Variants in EXD1 observed in about 807,000 individuals in gnomAD.
EXD1 encodes exonuclease 3'-5' domain containing 1.
Under a neutral mutation model 49.1 loss-of-function variants are expected in EXD1, and 63 were observed. The observed-to-expected ratio is 1.28, with a 90% CI of 1.05 to 1.58. EXD1 has a LOEUF of 1.58. EXD1 is among the 40% of genes most tolerant of loss of function. The probability of loss-of-function intolerance (pLI) is 0.00; values close to 1 mark genes in which losing one functional copy is unlikely to be tolerated. For missense variants in EXD1, 748 were observed against 666.0 expected (o/e 1.12, Z -1.36); for synonymous variants, 234 against 239.2 (o/e 0.98, Z 0.20).
chr15:41,199,491 G>A (rs11852986), intron 7 of EXD1, among the ~76,000 whole-genome samples: 1 of 149,182 alleles, frequency 6.7e-6, no homozygotes, highest in South Asian at 2.1e-4. Flanking sequence ...CCTGGAGGGG[G>A]TGGGTGGTGC....
Position 41,191,584 on chromosome 15 carries a change from A to G in EXD1, c.722T>C (p.Val241Ala). Residue 241 changes from valine (V) to alanine (A), a missense_variant and splice_region_variant, in exon 10 of 12, where the codon GTA becomes GCA. By Grantham distance (64) the Val-to-Ala change is moderately conservative (BLOSUM62 0). Transcript: ENST00000458580. ...ILLNNVFDTQVADVLQFSMET... is the reference protein window; with the variant it reads ...ILLNNVFDTQAADVLQFSMET... ...CATGGAAAACTGAAGTACATCTGCTACCTGTGGTATTTTAAAAAGACAAAC... is the reference window on the plus strand; with the variant it reads ...CATGGAAAACTGAAGTACATCTGCTGCCTGTGGTATTTTAAAAAGACAAAC... 1 of 1,613,704 alleles carries G rather than the reference A, an allele frequency of 6.2e-7. No homozygotes were observed. The highest frequency in any genetic ancestry group is 8.5e-7 in the Non-Finnish European group (1 of 1,179,828).
chr15:41,193,405 G>A (rs375466681), intron 9 of EXD1, among the ~76,000 whole-genome samples: 1 of 152,018 alleles, frequency 6.6e-6, no homozygotes, highest in African/African-American at 2.4e-5. Flanking sequence ...TCAGGAGTTC[G>A]ATGCCAGCAT....
In EXD1 at chr15:41,192,737, C is replaced by T. The variant is rs147673366; in HGVS notation, c.721-1152G>A. On this transcript the variant is annotated intron_variant, in intron 9 of 11. Transcript: ENST00000458580. ...TCAAGGGATCTTCCCACCTCAGCCT[C>T]GAGTAGCTAGGACTACAGGCACATC... Among the ~76,000 whole-genome samples, 502 of 148,210 alleles carry T rather than the reference C, an allele frequency of 3.4e-3. 2 individuals carry two copies. The highest frequency in any genetic ancestry group is 0.012 in the African/African-American group (473 of 40,324).
Position 41,230,722 on chromosome 15 carries a change from G to C in EXD1, c.-297C>G, listed in dbSNP as rs2047229960. 4.7e-6 allele frequency: 3 copies of C among 645,090 alleles called. No individual in the cohort carries two copies. The highest frequency in any genetic ancestry group is 5.8e-5 in the East Asian group (2 of 34,774). The allele number at this position is 645,090 out of a possible 1,614,324, so 40.0% of individuals were successfully genotyped here. A position where few individuals can be genotyped will look rare whatever the true frequency, so the allele number is the denominator to read the frequency against. On this transcript the variant is annotated 5_prime_UTR_variant, in exon 1 of 12. Coordinates refer to ENST00000458580, the MANE Select transcript of EXD1 (RefSeq NM_001286441.2). ...CGACGCCGGGGACACACGCCGCAGA[G>C]GCGACGCCCGCCCGGCCCAACGTCC...
rs1410241029 is a variant in EXD1, at chr15:41,195,962, T to C, written c.610A>G (p.Met204Val). Reference protein sequence around the residue: ...GSRAFHNGLQMILEDKRILKV... With the variant: ...GSRAFHNGLQVILEDKRILKV... ...AAAATTCTCTTGTCTTCTAGTATCATCTGAAGTCCATTGTGGAAAGCTCGA... is the reference window on the plus strand; with the variant it reads ...AAAATTCTCTTGTCTTCTAGTATCACCTGAAGTCCATTGTGGAAAGCTCGA... Residue 204 changes from methionine to valine, a missense_variant, in exon 8 of 12, where the codon ATG becomes GTG. Met to Val is a conservative substitution (Grantham distance 21). Transcript: ENST00000458580. 3.1e-6 allele frequency: 5 copies of C among 1,612,202 alleles called. No homozygotes were observed.
rs2047011712 is a variant in EXD1 at position 41,217,122 on chromosome 15, C to T, written c.235G>A (p.Val79Met). The T allele has an allele frequency of 6.2e-7, 1 of 1,612,488 alleles. No individual in the cohort carries two copies. Residue 79 changes from valine to methionine, a missense_variant, in exon 4 of 12, where the codon GTG (valine) becomes ATG (methionine). By Grantham distance (21) the Val-to-Met change is conservative. Transcript: ENST00000458580. ...CTAACAGAAGATGCTTTTGCTCTCA[C>T]TGAGCCTTGTTCCACTTCATCTAGT... ...ELLDEVEQGS[V>M]RAKASSVSLH...
intron 10 of EXD1, 48 bp downstream of exon 10, chr15:41,191,394 A>G: frequency 1.9e-6 from 3 of 1,554,090 alleles, no homozygotes; most frequent in Non-Finnish European, 1.8e-6. Context: ...ACTGCTCAGA[A>G]AACACTTGAA....
intron 7 of EXD1, among the ~76,000 whole-genome samples, chr15:41,199,723 T>TATATATCTC (rs1555414681): frequency 3.9e-4 from 14 of 36,300 alleles, no homozygotes; most frequent in East Asian, 1.7e-3. Flanking sequence ...TATGATATAT[T>TATATATCTC]ATATATGATA....
At chr15:41,215,133 T>C (rs184396608) in intron 6 of EXD1, among the ~76,000 whole-genome samples, 94 of 152,320 alleles carry the variant, frequency 6.2e-4, no homozygotes, top group African/African-American at 2.2e-3. Flanking sequence ...GTTTTCTCTG[T>C]CTATCCCACA....
At chr15:41,206,706 C>T (rs1364395511) in intron 7 of EXD1, among the ~76,000 whole-genome samples, 1 of 143,730 alleles carries the variant, frequency 7.0e-6, no homozygotes, top group East Asian at 2.2e-4. Context: ...ACTGAAACCT[C>T]CTCCTCCCAG....
chr15:41,196,126 A>G, intron 7 of EXD1, 89 bp from the exon 8 acceptor site: 1 of 881,252 alleles, frequency 1.1e-6, no homozygotes, highest in Non-Finnish European at 1.7e-6. Flanking sequence ...AGACGTGATA[A>G]AATATCTAAC....
intron 2 of EXD1, among the ~76,000 whole-genome samples, chr15:41,222,358 T>G (rs187763886): frequency 1.3e-5 from 2 of 152,246 alleles, no homozygotes; most frequent in Admixed American, 1.3e-4. Flanking sequence ...GAGGTTGCAG[T>G]GAGTCGAGAT....
chr15:41,215,797 AATTG>A lies in EXD1; in HGVS notation c.421_424del (p.Gln141SerfsTer18), dbSNP rs2046991239. 6.2e-7 allele frequency: 1 copy of A among 1,613,944 alleles called. No individual in the cohort carries two copies. The highest frequency in any genetic ancestry group is 1.3e-5 in the African/African-American group (1 of 74,918). On this transcript the variant is annotated frameshift_variant, in exon 6 of 12. Transcript: ENST00000458580. LOFTEE classifies it high-confidence loss of function. ...TACCGCAGCACCAAACTTCTGCTGG[AATTG>A]ATTAATGACTGTGTATGTCACCTCC...
intron 11 of EXD1, among the ~76,000 whole-genome samples, chr15:41,188,377 T>TTCCC (rs1437383195): frequency 7.9e-6 from 1 of 125,790 alleles, no homozygotes; most frequent in African/African-American, 3.0e-5. Flanking sequence ...TCCCCTCCCC[T>TTCCC]TCCCTCTCAT....
chr15:41,184,611 A>G lies in EXD1; in HGVS notation c.1057-18T>C, dbSNP rs2046378008. The G allele has an allele frequency of 6.5e-7, 1 of 1,548,084 alleles. No homozygotes were observed. Among genetic ancestry groups the G allele is most frequent in the African/African-American group, 1.4e-5 (1 of 71,896 alleles). ...CATGTAGGCTAAGAAGAGAAAGCGAACACAAGTTTATTATAACTAAACTTC... is the reference window on the plus strand; with the variant it reads ...CATGTAGGCTAAGAAGAGAAAGCGAGCACAAGTTTATTATAACTAAACTTC... On this transcript the variant is annotated intron_variant, in intron 11 of 11. Transcript: ENST00000458580.
intron 7 of EXD1, among the ~76,000 whole-genome samples, chr15:41,197,429 G>T (rs2046633664): frequency 6.6e-6 from 1 of 150,690 alleles, no homozygotes. Context: ...TAGACATGAG[G>T]TTTCACTATG....
chr15:41,186,464 C>G (rs2448404), intron 11 of EXD1, among the ~76,000 whole-genome samples: 1 of 34,928 alleles, frequency 2.9e-5, no homozygotes, highest in African/African-American at 5.7e-5. Context: ...GAGCAAGACT[C>G]TGTCTCAAAA....
At chr15:41,207,340 G>A (rs997920477) in intron 7 of EXD1, among the ~76,000 whole-genome samples, 9 of 151,948 alleles carry the variant, frequency 5.9e-5, no homozygotes, top group African/African-American at 9.7e-5. Flanking sequence ...TCGGGAGTTC[G>A]AGACCAGCCT....
At chr15:41,190,464 A>G (rs1566974625) in intron 10 of EXD1, 1 of 279,142 alleles carries the variant, frequency 3.6e-6, no homozygotes, top group Non-Finnish European at 7.0e-6. Flanking sequence ...CTGGTGACAG[A>G]GCGAGACTCC....
Sources: allele counts gnomAD v4.1 joint callset (sites outside exome capture counted in the v4.1 genomes callset), GRCh38; gene constraint gnomAD v4.1.1; transcripts MANE v1.5; gene names NCBI Gene and HGNC (gene_info 2026-07-23, HGNC 2026-07-21).